CELF2: variants seen among roughly 807,000 people sequenced by gnomAD.
The protein encoded by CELF2 is CUGBP Elav-like family member 2.
A neutral mutation model predicts 62.6 loss-of-function variants in CELF2; 8 were observed. The ratio of observed to expected loss-of-function variants is 0.13; its 90% CI spans 0.07 to 0.23. The LOEUF (loss-of-function observed/expected upper bound fraction) is 0.23. CELF2 is among the 10% of genes least tolerant of loss of function. CELF2 has a pLI of 1.00. For missense variants in CELF2, 333 were observed against 671.0 expected (o/e 0.50, Z 5.56); for synonymous variants, 258 against 250.0 (o/e 1.03, Z -0.30).
chr10:10,835,624 C>T (rs1472783709), intron 1 of CELF2, among the ~76,000 whole-genome samples: 3 of 152,134 alleles, frequency 2.0e-5, no homozygotes, highest in Non-Finnish European at 4.4e-5. Context: ...CTCAGGTGAT[C>T]CACCCCCTTC....
chr10:11,166,807 T>C (rs1401846989), intron 2 of CELF2, among the ~76,000 whole-genome samples: 1 of 152,246 alleles, frequency 6.6e-6, no homozygotes, highest in African/African-American at 2.4e-5. Context: ...CAAGGTGAAA[T>C]GATAGAACTA....
intron 4 of CELF2, among the ~76,000 whole-genome samples, chr10:11,256,920 C>G (rs898408315): frequency 5.3e-5 from 8 of 152,158 alleles, no homozygotes; most frequent in African/African-American, 1.7e-4. Context: ...AATCTTGCCT[C>G]CCGGTGGCTA....
At chr10:11,066,610 C>T (rs1170319309) in intron 1 of CELF2, among the ~76,000 whole-genome samples, 2 of 152,128 alleles carry the variant, frequency 1.3e-5, no homozygotes, top group Non-Finnish European at 2.9e-5. Context: ...CAGCCTCAGG[C>T]TCTTTAACCG....
chr10:10,633,897 CTT>C, the CELF2 span, among the ~76,000 whole-genome samples: 4 of 151,602 alleles, frequency 2.6e-5, no homozygotes, highest in Admixed American at 1.3e-4. Context: ...TATATTAAAT[CTT>C]TGTATGTATT....
the CELF2 span, among the ~76,000 whole-genome samples, chr10:10,704,670 A>C: frequency 1.3e-5 from 2 of 152,138 alleles, no homozygotes; most frequent in Non-Finnish European, 2.9e-5. Context: ...GTTGGGGCTT[A>C]GTTAACTCAT....
At chr10:11,111,434 C>T (rs1414608392) in intron 1 of CELF2, among the ~76,000 whole-genome samples, 1 of 152,114 alleles carries the variant, frequency 6.6e-6, no homozygotes, top group African/African-American at 2.4e-5. Context: ...CTTAGTTTTT[C>T]TTTGATCTGC....
intron 2 of CELF2, chr10:10,923,940 A>G (rs1357775136): frequency 6.6e-6 from 1 of 152,142 alleles, no homozygotes; most frequent in Non-Finnish European, 1.5e-5. Context: ...CCCCGTTACA[A>G]TCATGTTTTT....
At chr10:11,047,258 T>C (rs2063029743) in intron 1 of CELF2, among the ~76,000 whole-genome samples, 1 of 152,216 alleles carries the variant, frequency 6.6e-6, no homozygotes, top group African/African-American at 2.4e-5. Flanking sequence ...TTTAGTGCTT[T>C]ACTCACAGCC....
intron 1 of CELF2, among the ~76,000 whole-genome samples, chr10:11,104,237 A>T (rs895262286): frequency 6.6e-6 from 1 of 152,232 alleles, no homozygotes; most frequent in Non-Finnish European, 1.5e-5. Flanking sequence ...ATTTACTTGC[A>T]TTTTTTATGT....
At position 11,244,931 on chromosome 10, in the gene CELF2, G is replaced by A. The variant is rs762518026; in HGVS notation, c.355-4222G>A. The stretch of plus-strand genomic sequence containing the variant: ...TGTCTGGTGTCTCTTCTCTGAGTTC[G>A]CACCGTACAGCTCTTACCACGTCTC... On this transcript the variant is annotated intron_variant, in intron 3 of 12. Transcript: ENST00000633077. This position sits in a 1 kb window ranked among gnomAD's most constrained non-coding sequence, Gnocchi z 4.2. Among the ~76,000 whole-genome samples the A allele has an allele frequency of 1.1e-4, 16 of 152,026 alleles. No homozygotes were observed. The highest frequency in any genetic ancestry group is 1.6e-4 in the Non-Finnish European group (11 of 67,984).
chr10:10,664,897 T>C, the CELF2 span, among the ~76,000 whole-genome samples: 4 of 152,242 alleles, frequency 2.6e-5, no homozygotes, highest in Non-Finnish European at 5.9e-5. Context: ...TCACATTTAC[T>C]GTTCGAACTA....
At chr10:11,078,254 G>GT (rs1334729971) in intron 1 of CELF2, among the ~76,000 whole-genome samples, 1 of 152,104 alleles carries the variant, frequency 6.6e-6, no homozygotes, top group Non-Finnish European at 1.5e-5. Flanking sequence ...GGAAGTGGTG[G>GT]GGGGCGGAAT....
chr10:10,822,754 G>T (rs905473548), intron 1 of CELF2, among the ~76,000 whole-genome samples: 3 of 152,196 alleles, frequency 2.0e-5, no homozygotes, highest in African/African-American at 7.2e-5. Context: ...AGGAGAGAGA[G>T]AACATGTTTT....
At chr10:10,629,408 C>A in the CELF2 span, among the ~76,000 whole-genome samples, 1 of 152,128 alleles carries the variant, frequency 6.6e-6, no homozygotes, top group Non-Finnish European at 1.5e-5. Flanking sequence ...ATTCTTGAAG[C>A]CCAGCTTACT....
At chr10:11,299,643 C>T (rs796090944) in intron 9 of CELF2, among the ~76,000 whole-genome samples, 199 of 152,268 alleles carry the variant, frequency 1.3e-3, no homozygotes, top group African/African-American at 4.5e-3. Flanking sequence ...GTGAGGAAAA[C>T]AGAGGCCTGC....
Position 11,192,762 on chromosome 10 carries a change from C to T in CELF2, c.272-24663C>T, listed in dbSNP as rs148352052. On this transcript the variant is annotated intron_variant, in intron 2 of 12. Transcript: ENST00000633077. The stretch of plus-strand genomic sequence containing the variant: ...TGCCATGGTTTTAACCCCTGGCGTG[C>T]GTTAGAATCACCTAGAGGAATTGAA... Among the ~76,000 whole-genome samples the T allele has an allele frequency of 5.9e-5, 9 of 152,222 alleles. No homozygotes were observed. The East Asian group carries it at 1.4e-3, about 23-fold the overall frequency.
intron 1 of CELF2, among the ~76,000 whole-genome samples, chr10:10,877,020 G>A (rs112196397): frequency 6.6e-6 from 1 of 152,226 alleles, no homozygotes; most frequent in African/African-American, 2.4e-5. Context: ...AGTACTGGCA[G>A]TGTTAGCGTC....
Position 10,825,217 on chromosome 10 carries a change from G to T in CELF2, c.53+26400G>T, listed in dbSNP as rs558723174. Among the ~76,000 whole-genome samples, 12 of 152,000 alleles carry T rather than the reference G, an allele frequency of 7.9e-5. 1 individual carries two copies. In the South Asian group the frequency reaches 1.5e-3, roughly 18 times the overall value. ...TGTTTTTTTGTTTTTTGTTTTTTGT[G>T]TTTTGTTTTTGAGACGGAGTCTCGC... On this transcript the variant is annotated intron_variant, in intron 1 of 13. Transcript: ENST00000636488.
At chr10:10,955,127 C>T (rs1250583013) in intron 2 of CELF2, among the ~76,000 whole-genome samples, 2 of 152,204 alleles carry the variant, frequency 1.3e-5, no homozygotes, top group Non-Finnish European at 2.9e-5. Context: ...CTCTTTAAAC[C>T]TCACAACAAC....
Sources: gnomAD v4.1 joint callset for allele counts (sites outside exome capture counted in the v4.1 genomes callset) on GRCh38, gnomAD v4.1.1 for gene constraint, Gnocchi (gnomAD v3.1) non-coding constraint, MANE v1.5 for transcripts, NCBI Gene and HGNC (gene_info 2026-07-23, HGNC 2026-07-21) for gene names.